STK39: variants seen among roughly 807,000 people sequenced by gnomAD.
STK39 encodes STE20/SPS1-related proline-alanine-rich protein kinase.
A neutral mutation model predicts 77.8 loss-of-function variants in STK39; 20 were observed. That is an observed-to-expected ratio of 0.26 (90% CI 0.18 to 0.37). The LOEUF (loss-of-function observed/expected upper bound fraction) is 0.37. Ranked by LOEUF, STK39 falls within the 10% of genes least tolerant of loss-of-function variation. STK39 has a pLI of 1.00. For missense variants in STK39, 479 were observed against 656.5 expected, an observed-to-expected ratio of 0.73 and a Z score of 2.95; for synonymous variants, 246 against 234.1, an observed-to-expected ratio of 1.05 and a Z score of -0.47.
chr2:168,243,101 G>A (rs1690812606), intron 1 of STK39, among the ~76,000 whole-genome samples: 1 of 152,124 alleles, frequency 6.6e-6, no homozygotes, highest in African/African-American at 2.4e-5. Flanking sequence ...ATAAAGGTCT[G>A]GGAGATCAGA....
intron 12 of STK39, among the ~76,000 whole-genome samples, chr2:168,069,164 C>T (rs556338551): frequency 1.6e-4 from 25 of 152,148 alleles, no homozygotes; most frequent in Non-Finnish European, 2.4e-4. Context: ...GTGATCCACC[C>T]GCCTCAGCCT....
chr2:168,016,960 T>C, intron 15 of STK39, 83 bp downstream of exon 15: 2 of 1,082,876 alleles, frequency 1.8e-6, no homozygotes, highest in South Asian at 1.6e-5. Context: ...CAGTTTTAAA[T>C]AGCAGATTAT....
chr2:168,206,798 G>A (rs1042467313), intron 1 of STK39, among the ~76,000 whole-genome samples: 1 of 152,142 alleles, frequency 6.6e-6, no homozygotes, highest in African/African-American at 2.4e-5. Context: ...TCTTAAAAGG[G>A]TATTTTTACG....
chr2:168,082,170 C>T (rs946096959), intron 10 of STK39, among the ~76,000 whole-genome samples: 1 of 152,112 alleles, frequency 6.6e-6, no homozygotes, highest in African/African-American at 2.4e-5. Context: ...TCACTTATTC[C>T]TTCCTTCAAG....
At chr2:168,009,678 A>C (rs962825859) in intron 16 of STK39, among the ~76,000 whole-genome samples, 2 of 152,170 alleles carry the variant, frequency 1.3e-5, no homozygotes, top group Non-Finnish European at 2.9e-5. Context: ...GTAGACACTT[A>C]AGTGTGATGT....
chr2:168,159,294 T>C (rs997907758), intron 5 of STK39, among the ~76,000 whole-genome samples: 33 of 152,060 alleles, frequency 2.2e-4, no homozygotes, highest in African/African-American at 6.8e-4. Context: ...AACAATGTAT[T>C]ATTTGTCCAG....
At chr2:168,148,666 T>C (rs1366223236) in intron 5 of STK39, among the ~76,000 whole-genome samples, 1 of 152,190 alleles carries the variant, frequency 6.6e-6, no homozygotes, top group East Asian at 1.9e-4. Flanking sequence ...CTTCTATTAT[T>C]ATAGTGGTAT....
chr2:168,151,417 A>C (rs1688278795), intron 5 of STK39, among the ~76,000 whole-genome samples: 1 of 152,168 alleles, frequency 6.6e-6, no homozygotes, highest in African/African-American at 2.4e-5. Context: ...ACAAGGAATC[A>C]AATCAATTCA....
chr2:168,246,946 G>A (rs2105290360), intron 1 of STK39, among the ~76,000 whole-genome samples: 1 of 151,954 alleles, frequency 6.6e-6, no homozygotes, highest in South Asian at 2.1e-4. Context: ...CCACCGCCCC[G>A]GCGATCCCTG....
rs1291160224 is a variant in STK39 at position 168,075,134 on chromosome 2, CCTT to C, written c.1184_1186del (p.Glu395del). The C allele has an allele frequency of 6.2e-7, 1 of 1,614,168 alleles. No homozygotes were observed. The highest frequency in any genetic ancestry group is 1.7e-5 in the Admixed American group (1 of 60,014). Reference sequence around the variant, plus strand: ...CTTTTCCTGAGAAAAAGCTGCTTTCCCTTCTTCGCTCTTCTCATCCATCTCGTC... The same window carrying C: ...CTTTTCCTGAGAAAAAGCTGCTTTCCCTTCGCTCTTCTCATCCATCTCGTC... On this transcript the variant is annotated inframe_deletion, in exon 11 of 18. Transcript: ENST00000355999.
chr2:168,045,785 C>G (rs1313500215), intron 14 of STK39, among the ~76,000 whole-genome samples: 1 of 152,186 alleles, frequency 6.6e-6, no homozygotes, highest in Non-Finnish European at 1.5e-5. Context: ...GCCAAAATGG[C>G]TATGCTAGCC....
chr2:167,977,585 A>C (rs566272585), intron 16 of STK39, among the ~76,000 whole-genome samples: 6 of 152,248 alleles, frequency 3.9e-5, no homozygotes, highest in Non-Finnish European at 7.4e-5. Flanking sequence ...AAAAAAAAAA[A>C]AAAACAAAGG....
chr2:168,212,105 T>C (rs1298371661), intron 1 of STK39, among the ~76,000 whole-genome samples: 2 of 152,248 alleles, frequency 1.3e-5, no homozygotes, highest in East Asian at 1.9e-4. Flanking sequence ...TTTGTTTCTC[T>C]CACTTTAGAA....
At chr2:168,185,722 G>C (rs1689191953) in intron 1 of STK39, among the ~76,000 whole-genome samples, 2 of 152,164 alleles carry the variant, frequency 1.3e-5, no homozygotes, top group Admixed American at 6.5e-5. Context: ...AGTTTCAACA[G>C]TATGTTCAAA....
intron 1 of STK39, among the ~76,000 whole-genome samples, chr2:168,216,363 T>C (rs1269166421): frequency 6.6e-6 from 1 of 152,234 alleles, no homozygotes; most frequent in East Asian, 1.9e-4. Context: ...TGGGTTTTTG[T>C]TTTGTTTTGA....
intron 14 of STK39, among the ~76,000 whole-genome samples, chr2:168,062,438 C>G (rs527317854): frequency 1.1e-4 from 16 of 152,298 alleles, no homozygotes; most frequent in Admixed American, 9.8e-4. Flanking sequence ...ATAAGGAAAA[C>G]AGCCTTGTGA....
intron 16 of STK39, among the ~76,000 whole-genome samples, chr2:167,999,619 G>A (rs1028709749): frequency 5.9e-5 from 9 of 151,940 alleles, no homozygotes; most frequent in African/African-American, 9.7e-5. Context: ...CTGACACCAC[G>A]CCCGGCTAAT....
intron 16 of STK39, among the ~76,000 whole-genome samples, chr2:167,990,592 C>T (rs1189810636): frequency 6.6e-6 from 1 of 152,130 alleles, no homozygotes; most frequent in African/African-American, 2.4e-5. Context: ...TCTGGAATGC[C>T]CATCCTGCTT....
chr2:168,126,683 A>G (rs2105501143), intron 10 of STK39, among the ~76,000 whole-genome samples: 1 of 152,352 alleles, frequency 6.6e-6, no homozygotes, highest in South Asian at 2.1e-4. Context: ...TCATTTGGTC[A>G]GTAAACATTT....
Sources: allele counts gnomAD v4.1 joint callset (sites outside exome capture counted in the v4.1 genomes callset), GRCh38; gene constraint gnomAD v4.1.1; transcripts MANE v1.5; gene names NCBI Gene and HGNC (gene_info 2026-07-23, HGNC 2026-07-21).